RNF150: variants seen among roughly 807,000 people sequenced by gnomAD.
RNF150 encodes the protein ring finger protein 150.
Under a neutral mutation model 39.3 loss-of-function variants are expected in RNF150, and 24 were observed. The observed-to-expected ratio is 0.61, with a 90% CI of 0.44 to 0.86. RNF150 has a LOEUF of 0.86. RNF150 is among the 40% of genes least tolerant of loss of function. The pLI is 0.00. For missense variants in RNF150, 502 were observed against 587.8 expected (o/e 0.85, Z 1.51); for synonymous variants, 255 against 227.3 (o/e 1.12, Z -1.10).
At position 141,158,909 on chromosome 4, in the gene RNF150, T is replaced by C. The variant is rs571177562; in HGVS notation, c.-6+53885A>G. ...TTTGCCATTAGTTCTTCATTCCTTT[T>C]TGTTAAGTTTATGTTACCATCTTGA... On this transcript the variant is annotated intron_variant, in intron 1 of 7. Transcript: ENST00000420921. Among the ~76,000 whole-genome samples the C allele has an allele frequency of 6.6e-5, 10 of 152,344 alleles. 1 individual carries two copies. The East Asian group carries it at 1.7e-3, about 26-fold the overall frequency.
intron 1 of RNF150, among the ~76,000 whole-genome samples, chr4:141,004,047 C>T (rs1377614976): frequency 6.6e-6 from 1 of 152,062 alleles, no homozygotes; most frequent in Non-Finnish European, 1.5e-5. Flanking sequence ...AAAATTATAC[C>T]TGCTACAGTG....
At chr4:141,191,820 C>T (rs1364143915) in intron 1 of RNF150, among the ~76,000 whole-genome samples, 3 of 152,200 alleles carry the variant, frequency 2.0e-5, no homozygotes, top group Non-Finnish European at 4.4e-5. Context: ...GGTCCAGCTC[C>T]TGGTCATCTT....
intron 1 of RNF150, among the ~76,000 whole-genome samples, chr4:140,974,159 C>G (rs1046498539): frequency 6.6e-6 from 1 of 152,066 alleles, no homozygotes; most frequent in Non-Finnish European, 1.5e-5. Context: ...CATATTCCAC[C>G]ATCAATAAGA....
chr4:141,083,361 T>C (rs369970133), intron 1 of RNF150, among the ~76,000 whole-genome samples: 2 of 152,330 alleles, frequency 1.3e-5, no homozygotes, highest in East Asian at 3.9e-4. Context: ...TCACTGGAAA[T>C]TCTTTAGGCT....
At chr4:140,991,133 A>C (rs899288346) in intron 1 of RNF150, among the ~76,000 whole-genome samples, 3 of 152,038 alleles carry the variant, frequency 2.0e-5, no homozygotes, top group African/African-American at 7.2e-5. Flanking sequence ...TGTTGACCAC[A>C]TGTATGTCTT....
At position 141,078,832 on chromosome 4, in the gene RNF150, T is replaced by TATAC. The variant is rs1269919232; in HGVS notation, c.484+53492_484+53493insGTAT. On this transcript the variant is annotated intron_variant, in intron 1 of 6. Coordinates refer to ENST00000515673, the MANE Select transcript of RNF150 (RefSeq NM_020724.2). ...AAATATATATATATATATATATATA[T>TATAC]ACACACACACACACACATACATACA... Among the ~76,000 whole-genome samples the TATAC allele has an allele frequency of 2.5e-3, 260 of 102,662 alleles. 3 individuals are homozygous for TATAC. The highest frequency in any genetic ancestry group is 8.4e-3 in the South Asian group (24 of 2,870). 67.4% of individuals were successfully genotyped at this position (102,662 alleles called of 152,430 possible). A position where few individuals can be genotyped will look rare whatever the true frequency, so the allele number is the denominator to read the frequency against.
At chr4:141,070,759 T>C (rs1200954898) in intron 1 of RNF150, among the ~76,000 whole-genome samples, 28 of 142,096 alleles carry the variant, frequency 2.0e-4, no homozygotes, top group South Asian at 1.9e-3. Flanking sequence ...TGTGGAGAAA[T>C]AGGAACACTT....
intron 1 of RNF150, among the ~76,000 whole-genome samples, chr4:140,982,175 CTGA>C (rs1733881047): frequency 6.6e-6 from 1 of 152,160 alleles, no homozygotes; most frequent in Non-Finnish European, 1.5e-5. Context: ...TTCCAATTTA[CTGA>C]TGGACTCTGA....
chr4:141,157,764 C>G (rs766894506), intron 1 of RNF150, among the ~76,000 whole-genome samples: 10 of 152,150 alleles, frequency 6.6e-5, no homozygotes, highest in Non-Finnish European at 1.5e-4. Flanking sequence ...ATAAACAAGA[C>G]TGCCACATAT....
At chr4:140,978,121 G>A (rs1733729963) in intron 1 of RNF150, among the ~76,000 whole-genome samples, 1 of 152,098 alleles carries the variant, frequency 6.6e-6, no homozygotes, top group South Asian at 2.1e-4. Context: ...ATAACCTGTA[G>A]AGCCAACCAA....
chr4:140,990,463 T>C (rs1212572262), intron 1 of RNF150, among the ~76,000 whole-genome samples: 1 of 152,094 alleles, frequency 6.6e-6, no homozygotes, highest in Non-Finnish European at 1.5e-5. Context: ...CTAGCATACA[T>C]TAACTGTTTT....
At chr4:140,964,080 T>A (rs1489596834) in intron 2 of RNF150, among the ~76,000 whole-genome samples, 1 of 152,058 alleles carries the variant, frequency 6.6e-6, no homozygotes, top group African/African-American at 2.4e-5. Flanking sequence ...ACCAATGAAA[T>A]GAGATAACAG....
intron 4 of RNF150, among the ~76,000 whole-genome samples, chr4:140,941,627 A>T (rs1732085504): frequency 6.6e-6 from 1 of 152,184 alleles, no homozygotes; most frequent in Non-Finnish European, 1.5e-5. Context: ...TTAAAAATAG[A>T]CTTATCAGAA....
Position 140,987,950 on chromosome 4 carries a change from G to A in RNF150, c.485-20077C>T, listed in dbSNP as rs576001486. Among the ~76,000 whole-genome samples the A allele has an allele frequency of 1.8e-3, 267 of 152,210 alleles. 3 individuals carry two copies. Among genetic ancestry groups the A allele is most frequent in the Non-Finnish European group, 3.1e-4 (21 of 68,012 alleles). On this transcript the variant is annotated intron_variant, in intron 1 of 6. Coordinates refer to ENST00000515673, the MANE Select transcript of RNF150 (RefSeq NM_020724.2). ...CCTATTAAAAATGGACAAAAGACATGAACAGACACTTCTCAAAAGAAGACA... is the reference window on the plus strand; with the variant it reads ...CCTATTAAAAATGGACAAAAGACATAAACAGACACTTCTCAAAAGAAGACA...
intron 1 of RNF150, among the ~76,000 whole-genome samples, chr4:141,201,234 A>G (rs1342914003): frequency 2.0e-5 from 3 of 152,220 alleles, no homozygotes; most frequent in Admixed American, 6.5e-5. Flanking sequence ...AAATTGATAT[A>G]CAATTACTAT....
chr4:140,893,292 T>C (rs760068762), intron 6 of RNF150, among the ~76,000 whole-genome samples: 1 of 152,186 alleles, frequency 6.6e-6, no homozygotes, highest in East Asian at 1.9e-4. Flanking sequence ...TCTAATGCTA[T>C]AGAAATAAAA....
intron 1 of RNF150, among the ~76,000 whole-genome samples, chr4:141,189,267 G>A (rs901460675): frequency 5.3e-5 from 8 of 152,172 alleles, no homozygotes; most frequent in African/African-American, 1.4e-4. Context: ...TCTTCCTCTG[G>A]AAGCTTCATC....
At chr4:141,103,674 G>A (rs1292888460) in intron 1 of RNF150, among the ~76,000 whole-genome samples, 2 of 152,034 alleles carry the variant, frequency 1.3e-5, no homozygotes, top group African/African-American at 4.8e-5. Flanking sequence ...GAATTATAAT[G>A]GTTTCCTCTA....
At chr4:141,183,853 C>T (rs537622635) in intron 1 of RNF150, among the ~76,000 whole-genome samples, 2 of 152,198 alleles carry the variant, frequency 1.3e-5, no homozygotes, top group Non-Finnish European at 2.9e-5. Context: ...ATTTTTATAC[C>T]GGCAGAGTAT....
Sources: allele counts gnomAD v4.1 joint callset (sites outside exome capture counted in the v4.1 genomes callset), GRCh38; gene constraint gnomAD v4.1.1; transcripts MANE v1.5; gene names NCBI Gene and HGNC (gene_info 2026-07-23, HGNC 2026-07-21).